Variants in LRRC4C observed in about 807,000 individuals in gnomAD.
LRRC4C encodes leucine-rich repeat-containing protein 4C.
A neutral mutation model predicts 33.6 loss-of-function variants in LRRC4C; 5 were observed. That is an observed-to-expected ratio of 0.15 (90% confidence interval 0.08 to 0.31). The LOEUF is 0.31. LRRC4C is among the 10% of genes least tolerant of loss of function. The pLI is 1.00. For missense variants in LRRC4C, 560 were observed against 796.7 expected (o/e 0.70, Z 3.58); for synonymous variants, 329 against 302.0 (o/e 1.09, Z -0.93).
At chr11:41,229,886 G>T (rs1947706047) in intron 1 of LRRC4C, among the ~76,000 whole-genome samples, 1 of 151,926 alleles carries the variant, frequency 6.6e-6, no homozygotes, top group South Asian at 2.1e-4. Flanking sequence ...GCATCTAAAA[G>T]CTCTCGTTTC....
chr11:40,881,805 T>G lies in LRRC4C; in HGVS notation c.-407+51830A>C, dbSNP rs78045371. Among the ~76,000 whole-genome samples, 14 of 152,196 alleles carry G rather than the reference T, an allele frequency of 9.2e-5. 1 individual carries two copies. In the East Asian group the frequency reaches 2.5e-3, roughly 27 times the overall value. On this transcript the variant is annotated intron_variant, in intron 2 of 6. Transcript: ENST00000528697. The stretch of plus-strand genomic sequence containing the variant: ...TCTCAATCTAATGAAGACTTTCTCA[T>G]GACAAAATATCTCTATCCAAATTAT...
intron 1 of LRRC4C, among the ~76,000 whole-genome samples, chr11:41,241,118 C>T (rs575983911): frequency 6.6e-6 from 1 of 152,106 alleles, no homozygotes; most frequent in South Asian, 2.1e-4. Flanking sequence ...GACCAACTAC[C>T]TTATAGTGTT....
intron 1 of LRRC4C, among the ~76,000 whole-genome samples, chr11:41,158,286 G>C (rs777013743): frequency 6.6e-6 from 1 of 152,150 alleles, no homozygotes; most frequent in Admixed American, 6.6e-5. Context: ...CCTAGTTACA[G>C]GTTACACCAC....
chr11:41,095,342 C>T (rs1565378662), intron 1 of LRRC4C, among the ~76,000 whole-genome samples: 1 of 152,108 alleles, frequency 6.6e-6, no homozygotes, highest in Non-Finnish European at 1.5e-5. Flanking sequence ...CTCAAGACAT[C>T]GGGATTACAA....
intron 1 of LRRC4C, among the ~76,000 whole-genome samples, chr11:41,453,555 A>G (rs1375897520): frequency 6.6e-6 from 1 of 152,124 alleles, no homozygotes; most frequent in East Asian, 1.9e-4. Flanking sequence ...GCATAAAAGA[A>G]CAGACATGGG....
chr11:40,891,056 A>G (rs1199633429), intron 2 of LRRC4C, among the ~76,000 whole-genome samples: 3 of 151,998 alleles, frequency 2.0e-5, no homozygotes, highest in Non-Finnish European at 4.4e-5. Context: ...CATCCTGGCC[A>G]ATGTCTCTAC....
chr11:41,197,103 C>A (rs1207396166), intron 1 of LRRC4C, among the ~76,000 whole-genome samples: 2 of 152,026 alleles, frequency 1.3e-5, no homozygotes, highest in African/African-American at 4.8e-5. Context: ...GCTAAGACAG[C>A]AAACAAGTTA....
intron 2 of LRRC4C, among the ~76,000 whole-genome samples, chr11:40,678,836 C>T (rs561758861): frequency 2.1e-4 from 32 of 151,974 alleles, no homozygotes; most frequent in African/African-American, 7.0e-4. Context: ...AGCATGAGAA[C>T]GGGATAATAC....
intron 3 of LRRC4C, among the ~76,000 whole-genome samples, chr11:40,442,896 T>C (rs1024526532): frequency 6.6e-6 from 1 of 152,182 alleles, no homozygotes; most frequent in Non-Finnish European, 1.5e-5. Context: ...ACTTTATGTC[T>C]AAAACTCCAC....
intron 1 of LRRC4C, among the ~76,000 whole-genome samples, chr11:41,076,205 A>G (rs1225332889): frequency 6.6e-6 from 1 of 152,132 alleles, no homozygotes; most frequent in Non-Finnish European, 1.5e-5. Flanking sequence ...AACATCTCCA[A>G]TGCAATATCT....
chr11:40,269,726 T>C (rs1942544918), intron 4 of LRRC4C, among the ~76,000 whole-genome samples: 1 of 151,896 alleles, frequency 6.6e-6, no homozygotes, highest in South Asian at 2.1e-4. Context: ...TAGTCTGATT[T>C]TGTGTACTTC....
rs940783946 is a variant in LRRC4C, at chr11:40,901,867, T to C, written c.-407+31768A>G. Among the ~76,000 whole-genome samples, 4 of 152,102 alleles carry C rather than the reference T, an allele frequency of 2.6e-5. No homozygotes were observed. In the South Asian group the frequency reaches 6.2e-4, roughly 24 times the overall value. ...GCTTGTATTATGGTGTTAATTTATA[T>C]ATGAATATATAACGTTTAATCTGAT... is the stretch of plus-strand genomic sequence containing the variant. On this transcript the variant is annotated intron_variant, in intron 2 of 6. Transcript: ENST00000528697.
At chr11:40,477,683 T>G (rs997358234) in intron 3 of LRRC4C, among the ~76,000 whole-genome samples, 2 of 152,086 alleles carry the variant, frequency 1.3e-5, no homozygotes, top group Admixed American at 6.6e-5. Context: ...GCTCTGAGAG[T>G]TCATCTAACA....
At position 40,683,855 on chromosome 11, in the gene LRRC4C, G is replaced by C. The variant is rs1467874133; in HGVS notation, c.-406-35577C>G. 2.0e-5 allele frequency among the ~76,000 whole-genome samples: 3 copies of C among 152,256 alleles called. No individual in the cohort carries two copies. In the East Asian group the frequency reaches 5.8e-4, roughly 29 times the overall value. On this transcript the variant is annotated intron_variant, in intron 2 of 6. Transcript: ENST00000528697. The stretch of plus-strand genomic sequence containing the variant: ...ATGTCATACCAAAGATTTGAAAAGG[G>C]AAAACATAAACTCTGCTAAAACGCC...
rs1213976121 is a variant in LRRC4C at position 41,459,522 on chromosome 11, T to C, written c.-587A>G. 1 of 152,144 alleles carries C rather than the reference T, an allele frequency of 6.6e-6. No homozygotes were observed. The highest frequency in any genetic ancestry group is 2.4e-5 in the African/African-American group (1 of 41,426). The allele number at this position is 152,144 out of a possible 1,614,324, so 9.4% of individuals were successfully genotyped here. A position where few individuals can be genotyped will look rare whatever the true frequency, so the allele number is the denominator to read the frequency against. On this transcript the variant is annotated 5_prime_UTR_variant, in exon 1 of 7. Transcript: ENST00000528697. ...CTATTTTCTTTTCTTCTTTTTATTTTTTTTTAAGTCATATCGGAGAAAAAT... is the reference window on the plus strand; with the variant it reads ...CTATTTTCTTTTCTTCTTTTTATTTCTTTTTAAGTCATATCGGAGAAAAAT...
chr11:41,217,071 G>A (rs1947094375), intron 1 of LRRC4C, among the ~76,000 whole-genome samples: 1 of 151,878 alleles, frequency 6.6e-6, no homozygotes, highest in South Asian at 2.1e-4. Context: ...TATTTTTCAG[G>A]CCAAATTTCT....
At chr11:40,346,414 C>G (rs1263173236) in intron 3 of LRRC4C, among the ~76,000 whole-genome samples, 2 of 152,048 alleles carry the variant, frequency 1.3e-5, no homozygotes, top group Non-Finnish European at 2.9e-5. Flanking sequence ...ATAGAAGGAG[C>G]TAGAGGCCAT....
intron 5 of LRRC4C, among the ~76,000 whole-genome samples, chr11:40,175,590 A>C (rs1384640822): frequency 6.6e-6 from 1 of 152,214 alleles, no homozygotes; most frequent in African/African-American, 2.4e-5. Flanking sequence ...GCAGTTCCTC[A>C]TGATCTGGAC....
intron 3 of LRRC4C, among the ~76,000 whole-genome samples, chr11:40,438,401 C>T (rs1429071070): frequency 6.6e-6 from 1 of 152,212 alleles, no homozygotes; most frequent in Non-Finnish European, 1.5e-5. Context: ...TATTTTATCA[C>T]CTTGATTGGT....
Sources: gnomAD v4.1 joint callset for allele counts (sites outside exome capture counted in the v4.1 genomes callset) on GRCh38, gnomAD v4.1.1 for gene constraint, MANE v1.5 for transcripts, NCBI Gene and HGNC (gene_info 2026-07-23, HGNC 2026-07-21) for gene names.